The following TRIM33 variants were observed in gnomAD, a reference collection of about 807,000 sequenced individuals.
TRIM33 encodes the protein tripartite motif containing 33, also known as E3 ubiquitin-protein ligase TRIM33.
TRIM33 carries 20 observed loss-of-function variants against 125.4 expected under a neutral mutation model. That is an observed-to-expected ratio of 0.16 (90% CI 0.11 to 0.23). TRIM33 has a LOEUF of 0.23. TRIM33 is among the 10% of genes least tolerant of loss of function. The probability of loss-of-function intolerance (pLI) is 1.00; values close to 1 mark genes in which losing one functional copy is unlikely to be tolerated. For synonymous variants in TRIM33, 564 were observed against 513.9 expected, an observed-to-expected ratio of 1.10 and a Z score of -1.32; for missense variants, 920 against 1,411.4, an observed-to-expected ratio of 0.65 and a Z score of 5.58.
chr1:114,496,670 C>T (rs1475490411), intron 1 of TRIM33, among the ~76,000 whole-genome samples: 1 of 151,912 alleles, frequency 6.6e-6, no homozygotes, highest in African/African-American at 2.4e-5. Context: ...ACAGGTCTAC[C>T]AATGAGAAGA....
intron 1 of TRIM33, among the ~76,000 whole-genome samples, chr1:114,493,973 C>A (rs577981886): frequency 2.6e-5 from 4 of 152,104 alleles, no homozygotes; most frequent in Non-Finnish European, 4.4e-5. Flanking sequence ...TACAAGCATG[C>A]ACCACCACGC....
At chr1:114,413,561 AAAAAAAAAAAAAG>A (rs1275784977) in intron 11 of TRIM33, among the ~76,000 whole-genome samples, 3 of 140,918 alleles carry the variant, frequency 2.1e-5, no homozygotes, top group African/African-American at 5.5e-5. Flanking sequence ...TCCATCTCAA[AAAAAAAAAAAAAG>A]AAAAGAAAAG....
Position 114,456,783 on chromosome 1 carries a change from T to C in TRIM33, c.923+6321A>G, listed in dbSNP as rs367954738. The stretch of plus-strand genomic sequence containing the variant: ...TAGTATACTGATGATGTCATGATAC[T>C]ATCAGAAACTGAAGACCAAGGCAGG... On this transcript the variant is annotated intron_variant, in intron 4 of 19. Transcript: ENST00000358465. 8.5e-5 allele frequency among the ~76,000 whole-genome samples: 13 copies of C among 152,252 alleles called. No homozygotes were observed. In the East Asian group the frequency reaches 2.5e-3, roughly 29 times the overall value.
intron 4 of TRIM33, among the ~76,000 whole-genome samples, chr1:114,457,212 A>G (rs1337053822): frequency 6.6e-6 from 1 of 152,144 alleles, no homozygotes; most frequent in Non-Finnish European, 1.5e-5. Context: ...TTCCAGCCCT[A>G]TGATCCGCCA....
chr1:114,431,251 T>C (rs1242536946), intron 5 of TRIM33, among the ~76,000 whole-genome samples: 3 of 152,246 alleles, frequency 2.0e-5, no homozygotes, highest in Admixed American at 6.5e-5. Flanking sequence ...ATTGGTTCTG[T>C]TTAACCTTGA....
intron 1 of TRIM33, among the ~76,000 whole-genome samples, chr1:114,498,476 G>A (rs867903164): frequency 6.4e-4 from 97 of 152,010 alleles, no homozygotes; most frequent in African/African-American, 2.1e-3. Flanking sequence ...GGTGAAACTC[G>A]TCTCTACTAA....
At chr1:114,435,105 T>A (rs1343976023) in intron 4 of TRIM33, among the ~76,000 whole-genome samples, 2 of 152,182 alleles carry the variant, frequency 1.3e-5, no homozygotes, top group Non-Finnish European at 2.9e-5. Context: ...ATGGAAAACC[T>A]CTGAAGAATT....
At chr1:114,485,305 A>G (rs921832746) in intron 1 of TRIM33, among the ~76,000 whole-genome samples, 1 of 113,110 alleles carries the variant, frequency 8.8e-6, no homozygotes, top group African/African-American at 3.4e-5. Context: ...AAAAATACTG[A>G]AAAAAAAAAT....
intron 8 of TRIM33, 137 bp downstream of exon 8, chr1:114,427,036 CAATG>C (rs1647632038): frequency 2.1e-6 from 1 of 487,226 alleles, no homozygotes; most frequent in Admixed American, 3.7e-5. Flanking sequence ...AGTGAGTTTC[CAATG>C]AATAACAACA....
intron 1 of TRIM33, among the ~76,000 whole-genome samples, chr1:114,472,529 T>C (rs987948371): frequency 4.6e-5 from 7 of 152,164 alleles, no homozygotes; most frequent in African/African-American, 1.7e-4. Flanking sequence ...GTCTAGGAGT[T>C]TGAGATCAGC....
intron 9 of TRIM33, 108 bp downstream of exon 9, chr1:114,425,341 G>A (rs72696007): frequency 1.3e-5 from 18 of 1,397,598 alleles, no homozygotes; most frequent in Non-Finnish European, 1.7e-5. Flanking sequence ...TTTGAACTCT[G>A]CTCAGTCTTG....
At chr1:114,503,113 T>C (rs895236703) in intron 1 of TRIM33, among the ~76,000 whole-genome samples, 22 of 152,226 alleles carry the variant, frequency 1.4e-4, no homozygotes, top group African/African-American at 5.3e-4. Context: ...AAGAAGAATA[T>C]TTATTTTTTA....
chr1:114,475,185 G>A (rs996553091), intron 1 of TRIM33, among the ~76,000 whole-genome samples: 1 of 152,114 alleles, frequency 6.6e-6, no homozygotes, highest in Non-Finnish European at 1.5e-5. Context: ...TTATCAAGTG[G>A]TCTAATATAT....
At chr1:114,479,883 C>T (rs1242565287) in intron 1 of TRIM33, among the ~76,000 whole-genome samples, 11 of 152,060 alleles carry the variant, frequency 7.2e-5, no homozygotes, top group South Asian at 4.2e-4. Context: ...TCCACCCGGC[C>T]GCCGCCCCAT....
At chr1:114,421,338 G>A in intron 11 of TRIM33, 98 bp downstream of exon 11, 2 of 1,147,056 alleles carry the variant, frequency 1.7e-6, no homozygotes, top group South Asian at 1.5e-5. Context: ...TCAAGGAAAT[G>A]TTGATCCTGA....
intron 12 of TRIM33, 58 bp downstream of exon 12, chr1:114,410,126 G>A: frequency 1.9e-6 from 3 of 1,593,224 alleles, no homozygotes; most frequent in Non-Finnish European, 2.6e-6. Flanking sequence ...GACTAAGACA[G>A]ATACTGACAC....
intron 4 of TRIM33, among the ~76,000 whole-genome samples, chr1:114,450,254 C>T (rs954242436): frequency 2.6e-5 from 4 of 152,054 alleles, no homozygotes; most frequent in African/African-American, 4.8e-5. Context: ...AGCAAAATTC[C>T]GTCTCAAAAA....
intron 1 of TRIM33, among the ~76,000 whole-genome samples, chr1:114,479,886 C>T (rs886234388): frequency 4.1e-5 from 4 of 98,756 alleles, no homozygotes; most frequent in Admixed American, 9.1e-5. Context: ...ACCCGGCCGC[C>T]GCCCCATCCG....
chr1:114,402,198 G>A (rs746577597), intron 16 of TRIM33, among the ~76,000 whole-genome samples: 3 of 152,132 alleles, frequency 2.0e-5, no homozygotes, highest in Admixed American at 6.5e-5. Flanking sequence ...TTAATATGAT[G>A]AGAAGCTATT....
Sources: allele counts gnomAD v4.1 joint callset (sites outside exome capture counted in the v4.1 genomes callset), GRCh38; gene constraint gnomAD v4.1.1; transcripts MANE v1.5; gene names NCBI Gene and HGNC (gene_info 2026-07-23, HGNC 2026-07-21).